ME3: variants seen among roughly 807,000 people sequenced by gnomAD.
The protein encoded by ME3 is NADP-dependent malic enzyme, mitochondrial.
Under a neutral mutation model 68.9 loss-of-function variants are expected in ME3, and 48 were observed. That is an observed-to-expected ratio of 0.70 (90% CI 0.55 to 0.89). The LOEUF is 0.89. Among genes scored for constraint, ME3 ranks in the 40% least tolerant of loss-of-function variants. The pLI is 0.00. For missense variants in ME3, 675 were observed against 797.4 expected (o/e 0.85, Z 1.85); for synonymous variants, 320 against 318.8 (o/e 1.00, Z -0.04).
chr11:86,569,310 G>A (rs533413761), intron 2 of ME3, among the ~76,000 whole-genome samples: 53 of 152,290 alleles, frequency 3.5e-4, no homozygotes, highest in African/African-American at 1.3e-3. Flanking sequence ...AGCCCTGTGT[G>A]TTCTTCCCAC....
intron 13 of ME3, among the ~76,000 whole-genome samples, chr11:86,445,573 A>T (rs1042924836): frequency 6.6e-6 from 1 of 152,200 alleles, no homozygotes; most frequent in Non-Finnish European, 1.5e-5. Flanking sequence ...TAACCTCTCA[A>T]CAGAGACATT....
At chr11:86,562,292 A>C (rs1185984099) in intron 2 of ME3, among the ~76,000 whole-genome samples, 1 of 152,168 alleles carries the variant, frequency 6.6e-6, no homozygotes, top group East Asian at 1.9e-4. Context: ...TTCTCCACTT[A>C]TTGAAGAAAG....
intron 2 of ME3, among the ~76,000 whole-genome samples, chr11:86,643,860 T>C (rs668984): frequency 0.99 from 150,005 of 152,172 alleles, 73,960 homozygotes; most frequent in Non-Finnish European, 1. Flanking sequence ...CTTGCTGATG[T>C]CCCTTACTAT....
At chr11:86,447,885 A>G in intron 11 of ME3, among the ~76,000 whole-genome samples, 1 of 142,064 alleles carries the variant, frequency 7.0e-6, no homozygotes, top group East Asian at 2.0e-4. Flanking sequence ...AGACAGAGAG[A>G]AAGAGAGAGA....
At chr11:86,598,359 T>C (rs978811865) in intron 2 of ME3, among the ~76,000 whole-genome samples, 1 of 152,084 alleles carries the variant, frequency 6.6e-6, no homozygotes, top group Non-Finnish European at 1.5e-5. Context: ...AGCACAGCAG[T>C]CTAAGATCAA....
chr11:86,609,645 A>T (rs770674054), intron 2 of ME3, among the ~76,000 whole-genome samples: 2 of 152,200 alleles, frequency 1.3e-5, no homozygotes, highest in Non-Finnish European at 2.9e-5. Context: ...CATACTGAAG[A>T]ATATATATCA....
chr11:86,645,923 A>ACC, intron 2 of ME3, among the ~76,000 whole-genome samples: 1 of 152,142 alleles, frequency 6.6e-6, no homozygotes, highest in South Asian at 2.1e-4. Flanking sequence ...TCTGGAGTGG[A>ACC]CCTCCAGCAA....
intron 2 of ME3, among the ~76,000 whole-genome samples, chr11:86,618,573 A>T (rs1046044898): frequency 2.0e-5 from 3 of 152,080 alleles, no homozygotes; most frequent in Non-Finnish European, 4.4e-5. Flanking sequence ...TAATTTGGAT[A>T]TTTGTCCCTG....
At chr11:86,473,026 A>C (rs1426527386) in intron 7 of ME3, among the ~76,000 whole-genome samples, 2 of 152,234 alleles carry the variant, frequency 1.3e-5, no homozygotes, top group Non-Finnish European at 2.9e-5. Flanking sequence ...CAGGCAGCTC[A>C]GGGCACTGTG....
chr11:86,634,512 A>G (rs1944212600), intron 2 of ME3, among the ~76,000 whole-genome samples: 1 of 152,192 alleles, frequency 6.6e-6, no homozygotes, highest in African/African-American at 2.4e-5. Context: ...GTCTCAGCAA[A>G]GTCGTGGACT....
intron 2 of ME3, among the ~76,000 whole-genome samples, chr11:86,603,840 C>G (rs1404807492): frequency 6.7e-6 from 1 of 149,358 alleles, no homozygotes; most frequent in Non-Finnish European, 1.5e-5. Context: ...TAAACTATCA[C>G]AAGGACAAAA....
chr11:86,520,799 G>A (rs1954217055), intron 4 of ME3, among the ~76,000 whole-genome samples: 1 of 152,192 alleles, frequency 6.6e-6, no homozygotes, highest in Middle Eastern at 3.4e-3. Flanking sequence ...CTCTGAATGT[G>A]AGAATGGAGC....
In ME3 at chr11:86,487,451, C is replaced by G; in HGVS notation, c.706-11G>C. On this transcript the variant is annotated splice_polypyrimidine_tract_variant and intron_variant, in intron 6 of 14. Transcript: ENST00000543262. ...GTCTCTGAGCAGCTCCTGGAACAGA[C>G]AGCACCCATTGACTGAGCCTACTCC... 6.2e-7 allele frequency: 1 copy of G among 1,609,972 alleles called. No individual in the cohort carries two copies. The highest frequency in any genetic ancestry group is 8.5e-7 in the Non-Finnish European group (1 of 1,176,410).
intron 5 of ME3, among the ~76,000 whole-genome samples, chr11:86,499,556 TG>T (rs1179793232): frequency 6.6e-6 from 1 of 152,236 alleles, no homozygotes; most frequent in Non-Finnish European, 1.5e-5. Flanking sequence ...ATTCTTTCCC[TG>T]GAAGAGTTTA....
At chr11:86,601,472 AC>A (rs1960646388) in intron 2 of ME3, among the ~76,000 whole-genome samples, 1 of 147,582 alleles carries the variant, frequency 6.8e-6, no homozygotes, top group Admixed American at 6.7e-5. Context: ...TAGCTCACCA[AC>A]CAAAAAGAGT....
At chr11:86,669,328 T>G (rs908326807) in intron 2 of ME3, among the ~76,000 whole-genome samples, 1 of 152,208 alleles carries the variant, frequency 6.6e-6, no homozygotes, top group African/African-American at 2.4e-5. Flanking sequence ...CATGGAAAGG[T>G]CAGGTCCTTA....
chr11:86,477,905 C>A (rs1951173435), intron 7 of ME3, among the ~76,000 whole-genome samples: 1 of 152,080 alleles, frequency 6.6e-6, no homozygotes, highest in African/African-American at 2.4e-5. Context: ...CAAAATCTGG[C>A]TGTTGTTCTT....
intron 6 of ME3, among the ~76,000 whole-genome samples, chr11:86,497,385 A>G (rs1952415561): frequency 6.6e-6 from 1 of 152,168 alleles, no homozygotes. Context: ...CGAGTCACAG[A>G]CATGCCCATG....
At position 86,648,129 on chromosome 11, in the gene ME3, G is replaced by C. The variant is rs558234919; in HGVS notation, c.183+23633C>G. ...TCACTCCAAACTGCAGAACTACATG[G>C]AAACTGAGCAACGTACTCCTGAATG... On this transcript the variant is annotated intron_variant, in intron 2 of 14. Coordinates refer to ENST00000543262, the Ensembl canonical transcript of ME3. 3.9e-5 allele frequency among the ~76,000 whole-genome samples: 6 copies of C among 152,298 alleles called. No individual in the cohort carries two copies. In the East Asian group the frequency reaches 1.2e-3, roughly 29 times the overall value.
Sources: gnomAD v4.1 joint callset for allele counts (sites outside exome capture counted in the v4.1 genomes callset) on GRCh38, gnomAD v4.1.1 for gene constraint, MANE v1.5 for transcripts, NCBI Gene and HGNC (gene_info 2026-07-23, HGNC 2026-07-21) for gene names.